Variants in ADIPOR2 observed in about 807,000 individuals in gnomAD.
The protein encoded by ADIPOR2 is adiponectin receptor protein 2.
In ADIPOR2, 18 loss-of-function variants were observed where a neutral mutation model predicts 40.9. The ratio of observed to expected loss-of-function variants is 0.44; its 90% CI spans 0.30 to 0.65. The LOEUF is 0.65. Ranked by LOEUF, ADIPOR2 falls within the 30% of genes least tolerant of loss-of-function variation. The pLI is 0.09. For synonymous variants in ADIPOR2, 165 were observed against 166.4 expected (o/e 0.99, Z 0.06); for missense variants, 283 against 479.2 (o/e 0.59, Z 3.82).
chr12:1,724,436 G>C (rs1398282462), intron 1 of ADIPOR2, among the ~76,000 whole-genome samples: 1 of 152,172 alleles, frequency 6.6e-6, no homozygotes. Flanking sequence ...GAGGTACTTA[G>C]AGTAGTACAA....
Position 1,787,729 on chromosome 12 carries a change from T to G in ADIPOR2, c.*1657T>G, listed in dbSNP as rs1227112809. 1 of 152,352 alleles carries G rather than the reference T, an allele frequency of 6.6e-6. No individual in the cohort carries two copies. Among genetic ancestry groups the G allele is most frequent in the East Asian group, 1.9e-4 (1 of 5,188 alleles). 9.4% of individuals were successfully genotyped at this position (152,352 alleles called of 1,614,324 possible). A position where few individuals can be genotyped will look rare whatever the true frequency, so the allele number is the denominator to read the frequency against. On this transcript the variant is annotated 3_prime_UTR_variant, in exon 8 of 8. Coordinates refer to ENST00000357103, the MANE Select transcript of ADIPOR2 (RefSeq NM_024551.3). ...TGGGGACTGGCGTCCTCAGTAGGTG[T>G]TTGGGAATATGGGAAGGGTCTCCTA...
At chr12:1,753,176 C>T (rs1429275936) in intron 1 of ADIPOR2, among the ~76,000 whole-genome samples, 4 of 152,214 alleles carry the variant, frequency 2.6e-5, no homozygotes, top group African/African-American at 9.6e-5. Flanking sequence ...CCTTTCCCCA[C>T]TAAGAACCTT....
At chr12:1,764,287 A>G (rs938029689) in intron 2 of ADIPOR2, among the ~76,000 whole-genome samples, 9 of 152,160 alleles carry the variant, frequency 5.9e-5, no homozygotes, top group African/African-American at 1.9e-4. Context: ...CTTTTTTCAT[A>G]AATCAATCCA....
intron 3 of ADIPOR2, 131 bp from the exon 4 acceptor site, chr12:1,777,723 A>G: frequency 1.2e-6 from 1 of 821,994 alleles, no homozygotes; most frequent in Non-Finnish European, 1.8e-6. Context: ...ACATTTTGAG[A>G]TGTTTGCCTT....
intron 1 of ADIPOR2, among the ~76,000 whole-genome samples, chr12:1,710,974 A>G (rs180701431): frequency 1.2e-4 from 18 of 152,296 alleles, no homozygotes; most frequent in Middle Eastern, 3.4e-3. Flanking sequence ...GGGAGAAGCC[A>G]TGTTGCCCAG....
intron 1 of ADIPOR2, among the ~76,000 whole-genome samples, chr12:1,735,720 T>C (rs1320796711): frequency 2.6e-5 from 4 of 152,358 alleles, no homozygotes; most frequent in Non-Finnish European, 5.9e-5. Context: ...CAGTATGATA[T>C]TGGCTGTGGG....
At chr12:1,769,827 AC>A (rs1206178905) in intron 2 of ADIPOR2, among the ~76,000 whole-genome samples, 1 of 152,014 alleles carries the variant, frequency 6.6e-6, no homozygotes, top group Admixed American at 6.6e-5. Context: ...CAGATGTGCG[AC>A]ACTGTGCCTG....
At chr12:1,695,663 CAAAA>C (rs34987467) in intron 1 of ADIPOR2, among the ~76,000 whole-genome samples, 1 of 109,122 alleles carries the variant, frequency 9.2e-6, no homozygotes. Flanking sequence ...AACTCCATCT[CAAAA>C]AAAAAAAAAA....
intron 2 of ADIPOR2, among the ~76,000 whole-genome samples, chr12:1,763,945 C>G (rs1223938890): frequency 1.3e-5 from 2 of 152,146 alleles, no homozygotes; most frequent in Non-Finnish European, 2.9e-5. Context: ...TGCCACTGCA[C>G]TCCAGCCTTG....
intron 1 of ADIPOR2, among the ~76,000 whole-genome samples, chr12:1,693,615 C>T (rs552330823): frequency 2.5e-4 from 38 of 151,720 alleles, no homozygotes; most frequent in Middle Eastern, 3.4e-3. Flanking sequence ...CTCACTGCAA[C>T]CTCTGCCTCC....
intron 1 of ADIPOR2, among the ~76,000 whole-genome samples, chr12:1,740,473 G>T (rs976703571): frequency 5.9e-5 from 9 of 151,504 alleles, no homozygotes; most frequent in African/African-American, 2.2e-4. Context: ...TTCTTACAAG[G>T]ACATCAGTCA....
At chr12:1,777,768 G>T (rs1862628171) in intron 3 of ADIPOR2, 86 bp from the exon 4 acceptor site, 1 of 1,265,534 alleles carries the variant, frequency 7.9e-7, no homozygotes, top group South Asian at 1.5e-5. Flanking sequence ...TTATAAAACA[G>T]TGTGATAAGA....
chr12:1,753,360 A>G (rs144514558), intron 1 of ADIPOR2, among the ~76,000 whole-genome samples: 161 of 152,354 alleles, frequency 1.1e-3, no homozygotes, highest in African/African-American at 3.7e-3. Flanking sequence ...TTGAACTCCT[A>G]GGACTTACTT....
chr12:1,722,806 C>G lies in ADIPOR2; in HGVS notation c.-86-31452C>G, dbSNP rs193252770. Among the ~76,000 whole-genome samples, 133 of 152,344 alleles carry G rather than the reference C, an allele frequency of 8.7e-4. No homozygotes were observed. The Middle Eastern group carries it at 0.017, about 19-fold the overall frequency. Reference sequence around the variant, plus strand: ...ATTGAGGTAGATGATACTTTTCCTTCTGTGACATGAGAGTCCTTAGTTTAG... The same window carrying G: ...ATTGAGGTAGATGATACTTTTCCTTGTGTGACATGAGAGTCCTTAGTTTAG... On this transcript the variant is annotated intron_variant, in intron 1 of 7. Transcript: ENST00000357103.
chr12:1,760,492 C>A (rs1862242307), intron 2 of ADIPOR2, among the ~76,000 whole-genome samples: 1 of 152,186 alleles, frequency 6.6e-6, no homozygotes, highest in Non-Finnish European at 1.5e-5. Flanking sequence ...CATCTCTACC[C>A]CCAACCCTAG....
At chr12:1,719,627 A>G (rs1445180596) in intron 1 of ADIPOR2, among the ~76,000 whole-genome samples, 1 of 151,784 alleles carries the variant, frequency 6.6e-6, no homozygotes, top group Non-Finnish European at 1.5e-5. Context: ...CACTCAGAGC[A>G]TGTTAGCTGC....
intron 1 of ADIPOR2, among the ~76,000 whole-genome samples, chr12:1,717,783 T>C (rs143199020): frequency 1.2e-4 from 18 of 152,226 alleles, no homozygotes; most frequent in African/African-American, 3.6e-4. Flanking sequence ...ATTATTAGAT[T>C]TGTGTGTTTG....
chr12:1,765,359 G>A (rs1259877520), intron 2 of ADIPOR2, among the ~76,000 whole-genome samples: 3 of 152,180 alleles, frequency 2.0e-5, no homozygotes, highest in Admixed American at 6.5e-5. Flanking sequence ...AGATAGTGGT[G>A]TTAGGTTGGG....
intron 1 of ADIPOR2, among the ~76,000 whole-genome samples, chr12:1,737,666 T>C (rs987251328): frequency 1.3e-5 from 2 of 152,152 alleles, no homozygotes; most frequent in African/African-American, 2.4e-5. Flanking sequence ...CACTGTGACC[T>C]CTACCTCCTG....
Sources: allele counts gnomAD v4.1 joint callset (sites outside exome capture counted in the v4.1 genomes callset), GRCh38; gene constraint gnomAD v4.1.1; transcripts MANE v1.5; gene names NCBI Gene and HGNC (gene_info 2026-07-23, HGNC 2026-07-21).